VWC2L: variants seen among roughly 807,000 people sequenced by gnomAD.
VWC2L encodes von Willebrand factor C domain-containing protein 2-like.
In VWC2L, 10 loss-of-function variants were observed where a neutral mutation model predicts 21.6. That is an observed-to-expected ratio of 0.46 (90% CI 0.29 to 0.78). The LOEUF (loss-of-function observed/expected upper bound fraction) is 0.78. VWC2L is among the 30% of genes least tolerant of loss of function. The pLI is 0.10. For missense variants in VWC2L, 209 were observed against 277.1 expected (o/e 0.75, Z 1.74); for synonymous variants, 96 against 94.3 (o/e 1.02, Z -0.10).
At chr2:214,478,639 G>A (rs553324042) in intron 3 of VWC2L, among the ~76,000 whole-genome samples, 7 of 152,244 alleles carry the variant, frequency 4.6e-5, no homozygotes, top group African/African-American at 9.6e-5. Flanking sequence ...GCTTCCATGC[G>A]TGTCCTCACC....
At chr2:214,563,077 T>C (rs914621694) in intron 3 of VWC2L, among the ~76,000 whole-genome samples, 12 of 152,316 alleles carry the variant, frequency 7.9e-5, no homozygotes, top group African/African-American at 2.6e-4. Context: ...TCTAGGATTT[T>C]TATGGTTTTG....
chr2:214,524,760 A>G (rs1689301611), intron 3 of VWC2L, among the ~76,000 whole-genome samples: 1 of 152,130 alleles, frequency 6.6e-6, no homozygotes, highest in African/African-American at 2.4e-5. Context: ...CGTCTCTTCA[A>G]ATGAAAGACT....
intron 3 of VWC2L, among the ~76,000 whole-genome samples, chr2:214,466,932 T>G (rs1703226147): frequency 6.6e-6 from 1 of 152,272 alleles, no homozygotes; most frequent in Non-Finnish European, 1.5e-5. Flanking sequence ...CACATTTTCA[T>G]GCTTCATTGC....
intron 3 of VWC2L, among the ~76,000 whole-genome samples, chr2:214,574,713 A>C (rs1349416879): frequency 6.7e-6 from 1 of 149,734 alleles, no homozygotes; most frequent in Non-Finnish European, 1.5e-5. Flanking sequence ...AAGAAAGAAC[A>C]ATTTGTACCA....
intron 3 of VWC2L, among the ~76,000 whole-genome samples, chr2:214,496,654 G>A (rs934957051): frequency 6.6e-6 from 1 of 152,098 alleles, no homozygotes; most frequent in Non-Finnish European, 1.5e-5. Context: ...CAGATTGAAG[G>A]GAAATCTTAC....
chr2:214,460,986 G>A (rs962449415), intron 3 of VWC2L, among the ~76,000 whole-genome samples: 1 of 152,202 alleles, frequency 6.6e-6, no homozygotes, highest in African/African-American at 2.4e-5. Flanking sequence ...CTGGGTGCAT[G>A]CAATAGTCTA....
At chr2:214,518,480 A>G (rs969394765) in intron 3 of VWC2L, among the ~76,000 whole-genome samples, 5 of 152,222 alleles carry the variant, frequency 3.3e-5, no homozygotes, top group African/African-American at 1.2e-4. Flanking sequence ...GCCTAAAGTT[A>G]GGGTTCAATT....
intron 2 of VWC2L, among the ~76,000 whole-genome samples, chr2:214,421,389 G>T (rs952639218): frequency 1.3e-5 from 2 of 152,170 alleles, no homozygotes; most frequent in African/African-American, 4.8e-5. Context: ...CATTTTAAGA[G>T]AATTGATGGT....
chr2:214,559,332 T>A (rs1040420979), intron 3 of VWC2L, among the ~76,000 whole-genome samples: 6 of 152,130 alleles, frequency 3.9e-5, no homozygotes, highest in Non-Finnish European at 4.4e-5. Flanking sequence ...TATAGTTTTT[T>A]AAAAACAGTA....
chr2:214,567,082 A>G (rs1690073764), intron 3 of VWC2L, among the ~76,000 whole-genome samples: 1 of 152,214 alleles, frequency 6.6e-6, no homozygotes. Context: ...TATGCATCAG[A>G]AAGATCATTT....
chr2:214,436,592 A>G (rs199891510), intron 2 of VWC2L, 37 bp from the exon 3 acceptor site: 8 of 1,609,526 alleles, frequency 5.0e-6, no homozygotes, highest in Admixed American at 1.7e-5. Context: ...GCATTAAGTT[A>G]TAGGAGAAAA....
chr2:214,436,773 C>A lies in VWC2L; in HGVS notation c.520+15C>A. 2 of 1,612,538 alleles carry A rather than the reference C, an allele frequency of 1.2e-6. No homozygotes were observed. Among genetic ancestry groups the A allele is most frequent in the Non-Finnish European group, 1.7e-6 (2 of 1,178,920 alleles). The stretch of plus-strand genomic sequence containing the variant: ...CTGCAAAAATGGTAAGACCACACTG[C>A]ATTAGCTTTTGAAGAGGGGTTCGCA... On this transcript the variant is annotated intron_variant, in intron 3 of 3. Transcript: ENST00000312504.
At chr2:214,540,696 A>G (rs543310540) in intron 3 of VWC2L, among the ~76,000 whole-genome samples, 2 of 152,314 alleles carry the variant, frequency 1.3e-5, no homozygotes, top group South Asian at 2.1e-4. Flanking sequence ...TCCCAGAGAA[A>G]TTAATTTGTT....
In VWC2L at chr2:214,576,745, C is replaced by T. The variant is rs1204063233; in HGVS notation, c.*925C>T. On this transcript the variant is annotated 3_prime_UTR_variant, in exon 4 of 4. Coordinates refer to ENST00000312504, the MANE Select transcript of VWC2L (RefSeq NM_001080500.4). ...CACTGTGAATCCAAATCCTTATGAA[C>T]ATCTCTGGCTTTTGAGTTCAGATTT... is the stretch of plus-strand genomic sequence containing the variant. 2.0e-5 allele frequency: 3 copies of T among 152,150 alleles called. No homozygotes were observed. The highest frequency in any genetic ancestry group is 4.4e-5 in the Non-Finnish European group (3 of 68,030). 9.4% of individuals were successfully genotyped at this position (152,150 alleles called of 1,614,324 possible).
chr2:214,435,399 T>C (rs1702663880), intron 2 of VWC2L, among the ~76,000 whole-genome samples: 1 of 152,184 alleles, frequency 6.6e-6, no homozygotes, highest in Admixed American at 6.6e-5. Flanking sequence ...TTGTTCATAC[T>C]AAATTTGAAA....
rs1467113087 is a variant in VWC2L at position 214,554,361 on chromosome 2, G to A, written c.521-21311G>A. ...TAAGCCTGAAAAACTAGTTCAGGCC[G>A]TGATGAGAAAGACAGGTGTTTTGGG... is the stretch of plus-strand genomic sequence containing the variant. On this transcript the variant is annotated intron_variant, in intron 3 of 3. Transcript: ENST00000312504. Among the ~76,000 whole-genome samples, 11 of 152,102 alleles carry A rather than the reference G, an allele frequency of 7.2e-5. No homozygotes were observed. The East Asian group carries it at 9.6e-4, about 13-fold the overall frequency.
At chr2:214,468,264 G>A (rs1332337747) in intron 3 of VWC2L, among the ~76,000 whole-genome samples, 6 of 152,132 alleles carry the variant, frequency 3.9e-5, no homozygotes, top group Non-Finnish European at 5.9e-5. Flanking sequence ...GGATCTGCCC[G>A]CCTTGGCCTC....
chr2:214,497,993 C>G (rs546992231), intron 3 of VWC2L, among the ~76,000 whole-genome samples: 3 of 152,290 alleles, frequency 2.0e-5, no homozygotes, highest in Non-Finnish European at 4.4e-5. Flanking sequence ...TTTTCCTCAT[C>G]ATGTGACTGA....
At chr2:214,468,993 A>T (rs1416705032) in intron 3 of VWC2L, among the ~76,000 whole-genome samples, 1 of 152,230 alleles carries the variant, frequency 6.6e-6, no homozygotes, top group Admixed American at 6.5e-5. Flanking sequence ...AAAGCCACTT[A>T]ATCTCAGATC....
Sources: allele counts gnomAD v4.1 joint callset (sites outside exome capture counted in the v4.1 genomes callset), GRCh38; gene constraint gnomAD v4.1.1; transcripts MANE v1.5; gene names NCBI Gene and HGNC (gene_info 2026-07-23, HGNC 2026-07-21).